Variants in ASAP2 observed in about 807,000 individuals in gnomAD.
ASAP2 encodes the protein ArfGAP with SH3 domain, ankyrin repeat and PH domain 2.
In ASAP2, 45 loss-of-function variants were observed where a neutral mutation model predicts 131.4. The ratio of observed to expected loss-of-function variants is 0.34; its 90% CI spans 0.27 to 0.44. ASAP2 has a LOEUF of 0.44. Among genes scored for constraint, ASAP2 ranks in the 20% least tolerant of loss-of-function variants. The pLI, the probability that ASAP2 is intolerant of heterozygous loss-of-function variation, is 1.00. For missense variants in ASAP2, 1,011 were observed against 1,297.0 expected, an observed-to-expected ratio of 0.78 and a Z score of 3.39; for synonymous variants, 510 against 503.0, an observed-to-expected ratio of 1.01 and a Z score of -0.19.
intron 22 of ASAP2, among the ~76,000 whole-genome samples, chr2:9,390,662 G>A (rs1675649689): frequency 6.6e-6 from 1 of 152,206 alleles, no homozygotes; most frequent in African/African-American, 2.4e-5. Flanking sequence ...ACATGGTGGT[G>A]ACTCCCACAG....
In ASAP2 at chr2:9,374,635, G is replaced by A. The variant is rs1470104102; in HGVS notation, c.1557-120G>A. The stretch of plus-strand genomic sequence containing the variant: ...CGGCCACTCCCGCTTTGTGTTTCGG[G>A]GCCAGCGGTGCTTACCAGGGACATG... On this transcript the variant is annotated intron_variant, in intron 16 of 27. Transcript: ENST00000281419. 5.2e-6 allele frequency: 5 copies of A among 953,704 alleles called. No individual in the cohort carries two copies. In the African/African-American group the frequency reaches 6.8e-5, roughly 13 times the overall value. The allele number at this position is 953,704 out of a possible 1,614,324, so 59.1% of individuals were successfully genotyped here.
At chr2:9,250,830 C>G (rs1213314409) in intron 1 of ASAP2, among the ~76,000 whole-genome samples, 1 of 152,202 alleles carries the variant, frequency 6.6e-6, no homozygotes, top group Non-Finnish European at 1.5e-5. Flanking sequence ...CACAGGCCAC[C>G]ATGGGCCATC....
At chr2:9,306,243 G>A (rs545286206) in intron 3 of ASAP2, among the ~76,000 whole-genome samples, 186 of 151,086 alleles carry the variant, frequency 1.2e-3, no homozygotes, top group African/African-American at 3.8e-3. Context: ...TACTGGGGGT[G>A]GAGATATGGC....
intron 24 of ASAP2, among the ~76,000 whole-genome samples, chr2:9,398,545 C>A (rs1355280476): frequency 1.3e-5 from 2 of 152,086 alleles, no homozygotes; most frequent in Non-Finnish European, 2.9e-5. Context: ...CAGTGGCTCA[C>A]ACCCGTAATC....
At chr2:9,291,649 G>A (rs1204227373) in intron 2 of ASAP2, among the ~76,000 whole-genome samples, 1 of 152,142 alleles carries the variant, frequency 6.6e-6, no homozygotes, top group Non-Finnish European at 1.5e-5. Flanking sequence ...CGCTCCCTTC[G>A]CCGAGCTGTC....
At chr2:9,376,464 G>A (rs10182138) in intron 17 of ASAP2, among the ~76,000 whole-genome samples, 6,367 of 152,350 alleles carry the variant, frequency 0.042, 385 homozygotes, top group African/African-American at 0.12. Flanking sequence ...TCGTAGCCTT[G>A]TCTGTAAGTG....
intron 1 of ASAP2, among the ~76,000 whole-genome samples, chr2:9,228,362 T>C (rs906254098): frequency 6.6e-6 from 1 of 152,212 alleles, no homozygotes; most frequent in African/African-American, 2.4e-5. Context: ...CTTGGTGTTA[T>C]CCTTGAGAAG....
At chr2:9,382,916 C>T (rs913465831) in intron 20 of ASAP2, among the ~76,000 whole-genome samples, 5 of 152,172 alleles carry the variant, frequency 3.3e-5, no homozygotes, top group Non-Finnish European at 7.3e-5. Context: ...TTAATTATGG[C>T]AAGCTGGCTG....
chr2:9,393,290 T>C (rs1424250108), intron 23 of ASAP2, among the ~76,000 whole-genome samples, 192 bp from the exon 24 acceptor site: 1 of 152,170 alleles, frequency 6.6e-6, no homozygotes, highest in Non-Finnish European at 1.5e-5. Context: ...GCTTCCTTAT[T>C]AGTTTGGAAA....
chr2:9,269,252 CG>C (rs201848669), intron 1 of ASAP2, among the ~76,000 whole-genome samples: 2 of 145,050 alleles, frequency 1.4e-5, no homozygotes, highest in South Asian at 2.2e-4. Context: ...AATTATTTTG[CG>C]GGGGGGAGGG....
chr2:9,364,290 T>G (rs1572552529), intron 15 of ASAP2, among the ~76,000 whole-genome samples: 2 of 152,120 alleles, frequency 1.3e-5, no homozygotes, highest in African/African-American at 2.4e-5. Context: ...GGCAGATCAC[T>G]TGAGCCCATG....
At chr2:9,263,976 G>C (rs1238562230) in intron 1 of ASAP2, among the ~76,000 whole-genome samples, 1 of 152,074 alleles carries the variant, frequency 6.6e-6, no homozygotes, top group Non-Finnish European at 1.5e-5. Context: ...CGGATCAGTT[G>C]AGGTCAGGAG....
rs190308203 is a variant in ASAP2 at position 9,399,159 on chromosome 2, G to T, written c.2685-864G>T. ...ACTGCAAGCATTGAGGCCAGACAGGGTTCATTCCGAGCAGCGAAGGGAGTG... is the reference window on the plus strand; with the variant it reads ...ACTGCAAGCATTGAGGCCAGACAGGTTTCATTCCGAGCAGCGAAGGGAGTG... On this transcript the variant is annotated intron_variant, in intron 24 of 27. Transcript: ENST00000281419. The T allele has an allele frequency of 2.0e-5, 3 of 152,430 alleles. No individual in the cohort carries two copies. The East Asian group carries it at 5.8e-4, about 29-fold the overall frequency. 9.4% of individuals were successfully genotyped at this position (152,430 alleles called of 1,614,324 possible).
chr2:9,373,411 T>C (rs1229910359), intron 16 of ASAP2, among the ~76,000 whole-genome samples: 1 of 152,190 alleles, frequency 6.6e-6, no homozygotes, highest in Non-Finnish European at 1.5e-5. Flanking sequence ...TGGCAGACGC[T>C]GGCAAGAGAC....
chr2:9,230,893 C>T (rs1260278104), intron 1 of ASAP2, among the ~76,000 whole-genome samples: 1 of 152,178 alleles, frequency 6.6e-6, no homozygotes, highest in Non-Finnish European at 1.5e-5. Context: ...TGCACAGGAG[C>T]ATGGGCCAGG....
intron 1 of ASAP2, among the ~76,000 whole-genome samples, chr2:9,258,564 G>A (rs766493666): frequency 4.6e-5 from 7 of 152,140 alleles, no homozygotes; most frequent in Middle Eastern, 3.4e-3. Flanking sequence ...TGGTGCCCCC[G>A]CCGCCACACT....
chr2:9,216,681 GA>G, intron 1 of ASAP2, among the ~76,000 whole-genome samples: 1 of 151,938 alleles, frequency 6.6e-6, no homozygotes, highest in Admixed American at 6.6e-5. Flanking sequence ...GGCTGGTCTC[GA>G]ACTCCTGACC....
At chr2:9,284,381 C>G (rs1024930173) in intron 2 of ASAP2, among the ~76,000 whole-genome samples, 3 of 152,036 alleles carry the variant, frequency 2.0e-5, no homozygotes, top group African/African-American at 7.3e-5. Flanking sequence ...TTGATCTTTT[C>G]TCAGTTAATT....
Position 9,279,288 on chromosome 2 carries a change from G to A in ASAP2, c.127-29G>A, listed in dbSNP as rs544862734. On this transcript the variant is annotated intron_variant, in intron 1 of 27. Coordinates refer to ENST00000281419, the MANE Select transcript of ASAP2 (RefSeq NM_003887.3). The stretch of plus-strand genomic sequence containing the variant: ...CTAGCGTGGTCTCAGCACAGACACG[G>A]TTTAATGACTGTATTCTCTACATTT... The A allele has an allele frequency of 3.1e-6, 5 of 1,608,872 alleles. No homozygotes were observed. The African/African-American group carries it at 6.7e-5, about 21-fold the overall frequency.
Sources: allele counts gnomAD v4.1 joint callset (sites outside exome capture counted in the v4.1 genomes callset), GRCh38; gene constraint gnomAD v4.1.1; transcripts MANE v1.5; gene names NCBI Gene and HGNC (gene_info 2026-07-23, HGNC 2026-07-21).